The following THOC1 variants were observed in gnomAD, a reference collection of about 807,000 sequenced individuals.
THOC1 encodes THO complex subunit 1.
THOC1 carries 29 observed loss-of-function variants against 97.3 expected under a neutral mutation model. The observed-to-expected ratio is 0.30, with a 90% CI of 0.22 to 0.41. The LOEUF (loss-of-function observed/expected upper bound fraction) is 0.41. Among genes scored for constraint, THOC1 ranks in the 10% least tolerant of loss-of-function variants. THOC1 has a pLI of 1.00. For synonymous variants in THOC1, 255 were observed against 257.0 expected, an observed-to-expected ratio of 0.99 and a Z score of 0.07; for missense variants, 529 against 761.9, an observed-to-expected ratio of 0.69 and a Z score of 3.60.
intron 9 of THOC1, among the ~76,000 whole-genome samples, chr18:248,629 TG>T (rs1912172454): frequency 6.6e-6 from 1 of 152,234 alleles, no homozygotes; most frequent in Admixed American, 6.5e-5. Context: ...AAAACATATA[TG>T]GTACATATCA....
At chr18:251,647 A>T (rs1283735491) in intron 9 of THOC1, among the ~76,000 whole-genome samples, 1 of 152,130 alleles carries the variant, frequency 6.6e-6, no homozygotes, top group Non-Finnish European at 1.5e-5. Flanking sequence ...GGTTTTCTCT[A>T]GGTAGTCAGA....
At chr18:220,002 A>C (rs751832064) in intron 17 of THOC1, among the ~76,000 whole-genome samples, 24 of 152,250 alleles carry the variant, frequency 1.6e-4, no homozygotes, top group Non-Finnish European at 3.4e-4. Context: ...TCTCAGGATC[A>C]GAAGACATCT....
chr18:246,602 T>G (rs188294019), intron 10 of THOC1, 147 bp from the exon 11 acceptor site: 1 of 624,930 alleles, frequency 1.6e-6, no homozygotes, highest in Non-Finnish European at 2.6e-6. Context: ...CAAATTATGA[T>G]AGCAGAATGG....
intron 11 of THOC1, among the ~76,000 whole-genome samples, chr18:235,722 G>A (rs987406605): frequency 1.3e-5 from 2 of 152,022 alleles, no homozygotes; most frequent in Admixed American, 6.6e-5. Flanking sequence ...TGTGTTCTTC[G>A]TGTATAATCT....
intron 18 of THOC1, among the ~76,000 whole-genome samples, chr18:218,376 CAGAAGGTTCTAGATAAAGAGGCTA>C (rs1910965410): frequency 6.6e-6 from 1 of 152,094 alleles, no homozygotes; most frequent in Non-Finnish European, 1.5e-5. Flanking sequence ...CGGTGTCACC[CAGAAGGTTCTAGATAAAGAGGCTA>C]AGACCAATTC....
intron 10 of THOC1, among the ~76,000 whole-genome samples, chr18:246,916 C>CAAAAAAAAAAAAAAAAAAAAAAAA (rs36101469): frequency 1.0e-5 from 1 of 98,230 alleles, no homozygotes; most frequent in Non-Finnish European, 2.1e-5. Flanking sequence ...GGCTCCGTCT[C>CAAAAAAAAAAAAAAAAAAAAAAAA]AAAAAAAAAA....
intron 5 of THOC1, 77 bp downstream of exon 5, chr18:260,107 TTA>T: frequency 4.3e-6 from 4 of 925,330 alleles, no homozygotes; most frequent in East Asian, 3.2e-5. Context: ...ACAAATAAAT[TTA>T]AAAAAAAAAA....
intron 18 of THOC1, among the ~76,000 whole-genome samples, chr18:217,044 C>T (rs1260481193): frequency 5.9e-5 from 9 of 152,114 alleles, no homozygotes; most frequent in Admixed American, 5.9e-4. Context: ...GGTGGTATAC[C>T]ATCAGGTGAG....
chr18:259,778 A>G (rs1912545851), intron 5 of THOC1, 48 bp from the exon 6 acceptor site: 1 of 1,392,166 alleles, frequency 7.2e-7, no homozygotes, highest in Admixed American at 2.3e-5. Context: ...CTTGTTACAC[A>G]TTCTTCAATA....
At chr18:251,749 C>T (rs1912286212) in intron 9 of THOC1, among the ~76,000 whole-genome samples, 1 of 152,162 alleles carries the variant, frequency 6.6e-6, no homozygotes, top group Non-Finnish European at 1.5e-5. Flanking sequence ...TGGGTATACA[C>T]ACTGTGAGCA....
intron 10 of THOC1, among the ~76,000 whole-genome samples, chr18:246,906 G>A (rs966889092): frequency 7.6e-6 from 1 of 130,832 alleles, no homozygotes. Flanking sequence ...GAACCTGGGA[G>A]GCTCCGTCTC....
chr18:256,778 T>C (rs1056568115), intron 7 of THOC1, among the ~76,000 whole-genome samples: 1 of 152,232 alleles, frequency 6.6e-6, no homozygotes, highest in African/African-American at 2.4e-5. Context: ...AAAGTTCTAC[T>C]GTGGATAAGA....
At chr18:229,315 G>A (rs1173036315) in intron 11 of THOC1, among the ~76,000 whole-genome samples, 3 of 152,088 alleles carry the variant, frequency 2.0e-5, no homozygotes, top group Non-Finnish European at 2.9e-5. Context: ...TAAAATAATT[G>A]ACTATAGGCA....
In THOC1 at chr18:265,352, T is replaced by A; in HGVS notation, c.140A>T (p.Lys47Ile). 1 of 1,606,426 alleles carries A rather than the reference T, an allele frequency of 6.2e-7. No homozygotes were observed. The highest frequency in any genetic ancestry group is 8.5e-7 in the Non-Finnish European group (1 of 1,177,438). The stretch of plus-strand genomic sequence containing the variant: ...GAAAGCTTGGTCAAGGGTACATTTT[T>A]TTTCATTTTCACTATTAAAAACAAA... ...FSQVPGSENE[K>I]KCTLDQAFRG... The change falls in exon 3 of 21, where the codon AAA becomes ATA. Residue 47 changes from lysine to isoleucine, a missense_variant. Around this residue, in one of 8 missense-constraint regions of THOC1, gnomAD observed 114 missense variants for 97.4 expected, o/e 1.17. Transcript: ENST00000261600.
chr18:258,668 G>A (rs995005352), intron 7 of THOC1, among the ~76,000 whole-genome samples: 9 of 152,130 alleles, frequency 5.9e-5, no homozygotes, highest in African/African-American at 2.2e-4. Context: ...TCGCATATTT[G>A]AACATACTGG....
At position 235,169 on chromosome 18, in the gene THOC1, T is replaced by TAGA. The variant is rs372330584; in HGVS notation, c.919-8269_919-8268insTCT. On this transcript the variant is annotated intron_variant, in intron 11 of 20. Coordinates refer to ENST00000261600, the MANE Select transcript of THOC1 (RefSeq NM_005131.3). ...TTTATTAGGCTTCAAAATTTATTCGTAGTTGTTCATAATATCCTCTTAATC... is the reference window on the plus strand; with the variant it reads ...TTTATTAGGCTTCAAAATTTATTCGTAGAAGTTGTTCATAATATCCTCTTAATC... Among the ~76,000 whole-genome samples, 538 of 151,954 alleles carry TAGA rather than the reference T, an allele frequency of 3.5e-3. 1 individual carries two copies. The highest frequency in any genetic ancestry group is 0.012 in the African/African-American group (501 of 41,496).
At chr18:230,098 T>C (rs1483574278) in intron 11 of THOC1, among the ~76,000 whole-genome samples, 1 of 152,210 alleles carries the variant, frequency 6.6e-6, no homozygotes, top group Non-Finnish European at 1.5e-5. Flanking sequence ...TCAGATTTCA[T>C]GAACAAAGTA....
In THOC1 at chr18:259,241, T is replaced by C. The variant is rs1912528866; in HGVS notation, c.459A>G (p.Thr153=). 6.2e-7 allele frequency: 1 copy of C among 1,612,066 alleles called. No individual in the cohort carries two copies. The change falls in exon 7 of 21, where the codon ACA becomes ACG. Residue 153 remains threonine, a synonymous_variant. Coordinates refer to ENST00000261600, the MANE Select transcript of THOC1 (RefSeq NM_005131.3). Reference sequence around the variant, plus strand: ...AGAGCTGAATCCGTCCACAGAAGACTGTATTCTGGGATTTAGACAATCTTC... The same window carrying C: ...AGAGCTGAATCCGTCCACAGAAGACCGTATTCTGGGATTTAGACAATCTTC... ...LLRRLSKSQN[T]VFCGRIQLFL...
intron 11 of THOC1, among the ~76,000 whole-genome samples, chr18:235,085 A>AT (rs34986100): frequency 0.57 from 79,527 of 139,104 alleles, 22,560 homozygotes; most frequent in South Asian, 0.75. Context: ...TTGGTTTTCT[A>AT]TTTTTTTTTT....
Sources: gnomAD v4.1 joint callset for allele counts (sites outside exome capture counted in the v4.1 genomes callset) on GRCh38, gnomAD v4.1.1 for gene constraint, gnomAD v4.1.1 regional missense constraint, MANE v1.5 for transcripts, NCBI Gene and HGNC (gene_info 2026-07-23, HGNC 2026-07-21) for gene names.